The following VRK3 variants were observed in gnomAD, a reference collection of about 807,000 sequenced individuals.
The protein encoded by VRK3 is VRK serine/threonine kinase 3.
Under a neutral mutation model 60.4 loss-of-function variants are expected in VRK3, and 50 were observed. That is an observed-to-expected ratio of 0.83 (90% CI 0.66 to 1.05). The LOEUF (loss-of-function observed/expected upper bound fraction) is 1.05. VRK3 is among the 50% of genes least tolerant of loss of function. The pLI is 0.00. For synonymous variants in VRK3, 246 were observed against 227.8 expected, an observed-to-expected ratio of 1.08 and a Z score of -0.72; for missense variants, 549 against 585.3, an observed-to-expected ratio of 0.94 and a Z score of 0.64.
intron 3 of VRK3, among the ~76,000 whole-genome samples, chr19:50,009,639 T>A (rs191405672): frequency 2.7e-4 from 41 of 152,298 alleles, no homozygotes; most frequent in African/African-American, 9.1e-4. Flanking sequence ...TGTCTTTATA[T>A]GTATGTATAT....
intron 12 of VRK3, among the ~76,000 whole-genome samples, chr19:49,984,738 C>T (rs1016705656): frequency 6.6e-6 from 1 of 152,244 alleles, no homozygotes; most frequent in East Asian, 1.9e-4. Context: ...CTCAAGTGAT[C>T]CTTCCACCTC....
At position 49,978,856 on chromosome 19, in the gene VRK3, A is replaced by T. The variant is rs952304854; in HGVS notation, c.*11+227T>A. 1.6e-5 allele frequency: 7 copies of T among 432,618 alleles called. No homozygotes were observed. In the Admixed American group the frequency reaches 2.0e-4, roughly 12 times the overall value. 26.8% of individuals were successfully genotyped at this position (432,618 alleles called of 1,614,324 possible). On this transcript the variant is annotated intron_variant, in intron 14 of 14. Transcript: ENST00000316763. Reference sequence around the variant, plus strand: ...TTGTAATTTTCTAGCTACAACAGCCAATCAATCCCCACTTTTCTTAAAGCC... The same window carrying T: ...TTGTAATTTTCTAGCTACAACAGCCTATCAATCCCCACTTTTCTTAAAGCC...
intron 2 of VRK3, among the ~76,000 whole-genome samples, chr19:50,018,639 A>C (rs1382715887): frequency 6.6e-6 from 1 of 152,236 alleles, no homozygotes; most frequent in Non-Finnish European, 1.5e-5. Context: ...AGTCATTCTA[A>C]CTTAAGTTAG....
Position 49,982,329 on chromosome 19 carries a change from C to G in VRK3, c.1218-1316G>C, listed in dbSNP as rs1414265619. On this transcript the variant is annotated intron_variant, in intron 12 of 14. Transcript: ENST00000316763. ...AGCCCTTCAGCATTATGCTAGGTGG[C>G]TGTTTGATTTTTTGTGGAGATGGGG... 1.1e-5 allele frequency: 7 copies of G among 651,506 alleles called. No homozygotes were observed. In the African/African-American group the frequency reaches 1.3e-4, roughly 12 times the overall value. 40.4% of individuals were successfully genotyped at this position (651,506 alleles called of 1,614,324 possible).
At chr19:49,991,533 A>G (rs899944005) in intron 10 of VRK3, among the ~76,000 whole-genome samples, 8 of 151,776 alleles carry the variant, frequency 5.3e-5, no homozygotes, top group Middle Eastern at 3.4e-3. Context: ...ACACACACAC[A>G]CGCACACACA....
chr19:50,023,107 C>T (rs891990329), intron 1 of VRK3, among the ~76,000 whole-genome samples: 2 of 152,250 alleles, frequency 1.3e-5, no homozygotes, highest in Non-Finnish European at 2.9e-5. Flanking sequence ...ACACAGTTAA[C>T]TTCCTCATCA....
intron 1 of VRK3, 142 bp from the exon 2 acceptor site, chr19:50,020,789 C>A (rs2077159187): frequency 6.6e-6 from 1 of 152,262 alleles, no homozygotes; most frequent in Non-Finnish European, 1.5e-5. Context: ...TAACTATTCA[C>A]CGAGTTTCCT....
intron 5 of VRK3, among the ~76,000 whole-genome samples, chr19:50,006,966 A>C (rs1451097733): frequency 6.6e-6 from 1 of 152,102 alleles, no homozygotes; most frequent in Non-Finnish European, 1.5e-5. Context: ...ACGAGACTCA[A>C]ACCATGCATG....
At chr19:49,991,518 T>TACACACACACACACACACACACAC (rs937491646) in intron 10 of VRK3, among the ~76,000 whole-genome samples, 18 of 150,716 alleles carry the variant, frequency 1.2e-4, no homozygotes, top group African/African-American at 4.4e-4. Context: ...AATAAATCTC[T>TACACACACACACACACACACACAC]ACACACACAC....
chr19:49,991,301 A>T (rs1157526383), intron 10 of VRK3, among the ~76,000 whole-genome samples: 6 of 152,160 alleles, frequency 3.9e-5, no homozygotes, highest in Non-Finnish European at 8.8e-5. Context: ...CTAAGTAACC[A>T]GAAGCTCCTC....
At chr19:50,008,710 G>C (rs1013750553) in intron 4 of VRK3, 9 of 153,222 alleles carry the variant, frequency 5.9e-5, no homozygotes, top group Non-Finnish European at 1.0e-4. Context: ...AGCAGGCACG[G>C]GGGGGCGCCA....
At position 50,007,743 on chromosome 19, in the gene VRK3, TCTGAGGGCTACCCCTGGTCAC is replaced by T; in HGVS notation, c.352_372del (p.Val118_Gln124del). The T allele has an allele frequency of 6.2e-7, 1 of 1,605,656 alleles. No homozygotes were observed. The highest frequency in any genetic ancestry group is 1.2e-5 in the South Asian group (1 of 86,366). On this transcript the variant is annotated inframe_deletion, in exon 5 of 15. Transcript: ENST00000316763. Reference sequence around the variant, plus strand: ...GTCTTCTGAGGGCTACAGCTGGTCTTCTGAGGGCTACCCCTGGTCACCTGAGGGCTCTTCCTGGTCTTCTGA... The same window carrying T: ...GTCTTCTGAGGGCTACAGCTGGTCTTCTGAGGGCTCTTCCTGGTCTTCTGA...
At chr19:50,015,284 G>T (rs2077057167) in intron 3 of VRK3, among the ~76,000 whole-genome samples, 2 of 152,004 alleles carry the variant, frequency 1.3e-5, no homozygotes, top group Non-Finnish European at 2.9e-5. Flanking sequence ...ATGCTCAAGG[G>T]AAATTTCACT....
intron 10 of VRK3, 148 bp from the exon 11 acceptor site, chr19:49,989,919 T>C (rs1399415953): frequency 4.9e-6 from 5 of 1,019,074 alleles, no homozygotes; most frequent in South Asian, 4.7e-5. Context: ...GTAAAAATGA[T>C]GTGAAGTAAA....
intron 12 of VRK3, chr19:49,981,787 C>T: frequency 9.5e-7 from 1 of 1,053,996 alleles, no homozygotes; most frequent in Non-Finnish European, 1.1e-6. Context: ...CCCAAGCACA[C>T]ACACAGACAC....
intron 1 of VRK3, among the ~76,000 whole-genome samples, chr19:50,022,158 C>G (rs2077181371): frequency 6.6e-6 from 1 of 152,226 alleles, no homozygotes; most frequent in Non-Finnish European, 1.5e-5. Flanking sequence ...AACCCAAAAG[C>G]CCATGTTCTT....
chr19:50,003,499 T>C (rs1042403081), intron 5 of VRK3, among the ~76,000 whole-genome samples: 1 of 152,230 alleles, frequency 6.6e-6, no homozygotes, highest in African/African-American at 2.4e-5. Context: ...CACGGATTCA[T>C]GTGACTGATG....
intron 5 of VRK3, 51 bp from the exon 6 acceptor site, chr19:50,000,905 G>A (rs2122271394): frequency 6.4e-7 from 1 of 1,564,306 alleles, no homozygotes; most frequent in Non-Finnish European, 8.7e-7. Flanking sequence ...GGAAGGTCAG[G>A]GTCATCATCC....
intron 4 of VRK3, among the ~76,000 whole-genome samples, chr19:50,008,318 G>T (rs2076935570): frequency 6.6e-6 from 1 of 150,928 alleles, no homozygotes; most frequent in South Asian, 2.1e-4. Flanking sequence ...CCCTGCCCTA[G>T]AAGGGCTCCT....
Sources: gnomAD v4.1 joint callset for allele counts (sites outside exome capture counted in the v4.1 genomes callset) on GRCh38, gnomAD v4.1.1 for gene constraint, MANE v1.5 for transcripts, NCBI Gene and HGNC (gene_info 2026-07-23, HGNC 2026-07-21) for gene names.